Variants in AZIN2 observed in about 807,000 individuals in gnomAD.
The protein encoded by AZIN2 is antizyme inhibitor 2.
In AZIN2, 28 loss-of-function variants were observed where a neutral mutation model predicts 47.8. The observed-to-expected ratio is 0.59, with a 90% confidence interval of 0.43 to 0.80. The LOEUF is 0.80. Ranked by LOEUF, AZIN2 falls within the 30% of genes least tolerant of loss-of-function variation. AZIN2 has a pLI of 0.00. For synonymous variants in AZIN2, 221 were observed against 239.4 expected (o/e 0.92, Z 0.71); for missense variants, 535 against 582.5 (o/e 0.92, Z 0.84).
At chr1:33,117,467 G>A (rs1477974367) in intron 10 of AZIN2, among the ~76,000 whole-genome samples, 1 of 152,214 alleles carries the variant, frequency 6.6e-6, no homozygotes, top group African/African-American at 2.4e-5. Context: ...AAGTGCAGAG[G>A]TGGTAACAAC....
At chr1:33,141,668 A>G in the AZIN2 span, among the ~76,000 whole-genome samples, 2 of 152,112 alleles carry the variant, frequency 1.3e-5, no homozygotes, top group Non-Finnish European at 2.9e-5. Context: ...CTCTTCATCT[A>G]ATTTCAAGGG....
At chr1:33,082,410 C>T (rs1641378816) in intron 4 of AZIN2, 56 bp downstream of exon 4, 1 of 1,345,238 alleles carries the variant, frequency 7.4e-7, no homozygotes, top group South Asian at 1.3e-5. Flanking sequence ...TCAGCTGCCT[C>T]CTCAGGAAGG....
chr1:33,109,789 T>C (rs935516466), intron 10 of AZIN2, among the ~76,000 whole-genome samples: 1 of 152,076 alleles, frequency 6.6e-6, no homozygotes, highest in African/African-American at 2.4e-5. Context: ...CTTGTTTGCC[T>C]CCCCCCTGCT....
At chr1:33,090,521 A>G (rs1469403619) in intron 5 of AZIN2, among the ~76,000 whole-genome samples, 1 of 152,240 alleles carries the variant, frequency 6.6e-6, no homozygotes, top group African/African-American at 2.4e-5. Flanking sequence ...ATCTCTGTCC[A>G]AAAGATCCTT....
At chr1:33,124,378 A>G (rs1167392394), downstream of AZIN2, among the ~76,000 whole-genome samples, 1 of 151,696 alleles carries the variant, frequency 6.6e-6, no homozygotes, top group African/African-American at 2.4e-5. This position sits in a 1 kb window ranked among gnomAD's most constrained non-coding sequence, Gnocchi z 4.6. Context: ...ATCTTTGGGA[A>G]GATTAATTGA....
intron 10 of AZIN2, among the ~76,000 whole-genome samples, chr1:33,109,703 G>C (rs1644200655): frequency 6.6e-6 from 1 of 151,756 alleles, no homozygotes; most frequent in Non-Finnish European, 1.5e-5. Context: ...TTTATGGATT[G>C]TGCCTTAGGT....
intron 10 of AZIN2, among the ~76,000 whole-genome samples, chr1:33,105,894 T>C (rs1461284212): frequency 6.6e-6 from 1 of 152,218 alleles, no homozygotes; most frequent in African/African-American, 2.4e-5. Flanking sequence ...CCCCAGTCCA[T>C]GAAGAGAGAT....
chr1:33,137,460 G>A, the AZIN2 span, among the ~76,000 whole-genome samples: 47 of 152,280 alleles, frequency 3.1e-4, no homozygotes, highest in African/African-American at 6.7e-4. Flanking sequence ...ATCATGAGGC[G>A]TACAGGGACT....
chr1:33,146,361 A>G, the AZIN2 span: 1 of 164,228 alleles, frequency 6.1e-6, no homozygotes, highest in African/African-American at 2.4e-5. Context: ...GCACCCTAGC[A>G]GGTCACAGAG....
Position 33,103,033 on chromosome 1 carries a change from T to G in AZIN2, c.1029+4854T>G, listed in dbSNP as rs549771069. 5.3e-5 allele frequency among the ~76,000 whole-genome samples: 8 copies of G among 152,292 alleles called. No homozygotes were observed. In the South Asian group the frequency reaches 1.2e-3, roughly 24 times the overall value. Reference sequence around the variant, plus strand: ...CAAAATACATTTTGGTTTCAGTGAATTCTTCCTCTGTCGCCACCCTAATGC... The same window carrying G: ...CAAAATACATTTTGGTTTCAGTGAAGTCTTCCTCTGTCGCCACCCTAATGC... On this transcript the variant is annotated intron_variant, in intron 10 of 11. Coordinates refer to ENST00000294517, the MANE Select transcript of AZIN2 (RefSeq NM_052998.4).
chr1:33,148,109 G>A, the AZIN2 span, among the ~76,000 whole-genome samples: 76 of 152,284 alleles, frequency 5.0e-4, no homozygotes, highest in Non-Finnish European at 9.6e-4. Flanking sequence ...CCCCTAGGGG[G>A]AATGGGGAAA....
intron 10 of AZIN2, 65 bp from the exon 11 acceptor site, chr1:33,117,836 AG>A: frequency 1.3e-6 from 2 of 1,563,302 alleles, no homozygotes; most frequent in Non-Finnish European, 1.8e-6. Flanking sequence ...AAGGCTTTTG[AG>A]GGAGGGAGTG....
the AZIN2 span, among the ~76,000 whole-genome samples, chr1:33,148,693 A>C: frequency 6.6e-6 from 1 of 152,226 alleles, no homozygotes; most frequent in Non-Finnish European, 1.5e-5. Flanking sequence ...TACACACACA[A>C]CACTTGAAAT....
At chr1:33,157,049 C>T in the AZIN2 span, among the ~76,000 whole-genome samples, 1 of 151,122 alleles carries the variant, frequency 6.6e-6, no homozygotes, top group Non-Finnish European at 1.5e-5. Context: ...GGTCTATTCT[C>T]AACCCACTAG....
the AZIN2 span, among the ~76,000 whole-genome samples, chr1:33,156,727 C>T: frequency 6.6e-6 from 1 of 152,200 alleles, no homozygotes; most frequent in Non-Finnish European, 1.5e-5. Context: ...GCTGGCTTGT[C>T]ATCCCTACTG....
At chr1:33,105,645 G>A (rs78468352) in intron 10 of AZIN2, among the ~76,000 whole-genome samples, 3 of 152,104 alleles carry the variant, frequency 2.0e-5, no homozygotes, top group Non-Finnish European at 4.4e-5. Context: ...GAAACTGCCC[G>A]CCATGATCCA....
At chr1:33,147,510 G>C in the AZIN2 span, 4 of 1,613,128 alleles carry the variant, frequency 2.5e-6, no homozygotes, top group Non-Finnish European at 2.5e-6. The surrounding 1 kb of genome is among the most constrained non-coding windows in gnomAD (Gnocchi z 8.1). Flanking sequence ...GTGCCAGCCC[G>C]ATCACCCACT....
At chr1:33,112,204 G>A (rs1048668072) in intron 10 of AZIN2, among the ~76,000 whole-genome samples, 1 of 152,202 alleles carries the variant, frequency 6.6e-6, no homozygotes, top group Non-Finnish European at 1.5e-5. Flanking sequence ...TGGGAAACAA[G>A]TAGGCATTAT....
chr1:33,145,678 C>A, the AZIN2 span: 4 of 323,098 alleles, frequency 1.2e-5, no homozygotes, highest in East Asian at 3.6e-4. Context: ...AAGTCAAGGC[C>A]GGGGAGACAT....
Sources: allele counts gnomAD v4.1 joint callset (sites outside exome capture counted in the v4.1 genomes callset), GRCh38; gene constraint gnomAD v4.1.1; non-coding constraint Gnocchi (gnomAD v3.1); transcripts MANE v1.5; gene names NCBI Gene and HGNC (gene_info 2026-07-23, HGNC 2026-07-21).